CPEB3: variants seen among roughly 807,000 people sequenced by gnomAD.
CPEB3 encodes the protein cytoplasmic polyadenylation element binding protein 3.
Under a neutral mutation model 67.2 loss-of-function variants are expected in CPEB3, and 20 were observed. The ratio of observed to expected loss-of-function variants is 0.30; its 90% CI spans 0.21 to 0.43. CPEB3 has a LOEUF of 0.43. Among genes scored for constraint, CPEB3 ranks in the 20% least tolerant of loss-of-function variants. The probability of loss-of-function intolerance (pLI) is 1.00; values close to 1 mark genes in which losing one functional copy is unlikely to be tolerated. For synonymous variants in CPEB3, 376 were observed against 393.1 expected, an observed-to-expected ratio of 0.96 and a Z score of 0.51; for missense variants, 746 against 968.6, an observed-to-expected ratio of 0.77 and a Z score of 3.05.
intron 1 of CPEB3, among the ~76,000 whole-genome samples, chr10:92,273,698 T>C (rs886122105): frequency 3.9e-5 from 6 of 152,132 alleles, no homozygotes; most frequent in African/African-American, 1.4e-4. Flanking sequence ...TTGACAAAAA[T>C]TAATACCTAT....
At chr10:92,199,785 T>A (rs765097436) in intron 2 of CPEB3, among the ~76,000 whole-genome samples, 1 of 151,954 alleles carries the variant, frequency 6.6e-6, no homozygotes, top group Non-Finnish European at 1.5e-5. Flanking sequence ...TTGGGAAATA[T>A]GTCAGGTCCC....
intron 4 of CPEB3, among the ~76,000 whole-genome samples, chr10:92,152,670 A>G (rs187858691): frequency 4.6e-5 from 7 of 152,342 alleles, no homozygotes; most frequent in Admixed American, 2.0e-4. Flanking sequence ...CTACATTTGT[A>G]TATATTTAAA....
chr10:92,160,315 A>G (rs908903954), intron 4 of CPEB3, among the ~76,000 whole-genome samples: 1 of 152,184 alleles, frequency 6.6e-6, no homozygotes, highest in Non-Finnish European at 1.5e-5. Context: ...TGCATTCCAA[A>G]AACAATTTAA....
chr10:92,240,247 G>T lies in CPEB3; in HGVS notation c.104C>A (p.Ala35Asp). 6.6e-7 allele frequency: 1 copy of T among 1,512,822 alleles called. No homozygotes were observed. 93.7% of individuals were successfully genotyped at this position (1,512,822 alleles called of 1,614,324 possible). Residue 35 changes from alanine (A) to aspartate (D), a missense_variant, in exon 2 of 10, where the codon GCC becomes GAC. Physicochemically the swap from Ala to Asp is moderately radical, Grantham distance 126. Around this residue, in one of 2 missense-constraint regions of CPEB3, gnomAD observed 643 missense variants for 717.5 expected, o/e 0.90. Coordinates refer to ENST00000265997, the MANE Select transcript of CPEB3 (RefSeq NM_014912.5). Reference protein sequence around the residue: ...QPQPESSVSEAPSTPLSSETP... With the variant: ...QPQPESSVSEDPSTPLSSETP... The stretch of plus-strand genomic sequence containing the variant: ...CTCTGAGGAGAGGGGCGTGGACGGG[G>T]CTTCGGATACGCTGGACTCAGGTTG...
chr10:92,246,166 T>A (rs897895004), intron 1 of CPEB3, among the ~76,000 whole-genome samples: 13 of 151,368 alleles, frequency 8.6e-5, no homozygotes, highest in Non-Finnish European at 1.6e-4. Context: ...AAACCCCGTC[T>A]CTACTAAAAA....
intron 9 of CPEB3, among the ~76,000 whole-genome samples, chr10:92,054,654 C>G (rs1038385350): frequency 6.6e-6 from 1 of 152,130 alleles, no homozygotes; most frequent in Non-Finnish European, 1.5e-5. Flanking sequence ...GTTGGCCAGG[C>G]TGGTCTCAAA....
At chr10:92,123,119 T>C (rs1388336386) in intron 6 of CPEB3, among the ~76,000 whole-genome samples, 2 of 152,148 alleles carry the variant, frequency 1.3e-5, no homozygotes, top group Admixed American at 6.5e-5. Flanking sequence ...GAGTTCAAAA[T>C]TGGTAATCTA....
chr10:92,157,318 G>A (rs1048070793), intron 4 of CPEB3, among the ~76,000 whole-genome samples: 2 of 152,092 alleles, frequency 1.3e-5, no homozygotes, highest in Admixed American at 6.5e-5. Context: ...TACAACCTAC[G>A]TGTCTGACCC....
chr10:92,142,400 A>G lies in CPEB3; in HGVS notation c.1453+629T>C, dbSNP rs137938591. 5.9e-5 allele frequency among the ~76,000 whole-genome samples: 9 copies of G among 152,356 alleles called. 1 individual carries two copies. The highest frequency in any genetic ancestry group is 2.6e-4 in the Admixed American group (4 of 15,308). On this transcript the variant is annotated intron_variant, in intron 6 of 9. Coordinates refer to ENST00000265997, the MANE Select transcript of CPEB3 (RefSeq NM_014912.5). ...TAAATCTAGGAACACACCCAAATGA[A>G]TATCACCAGTAAAGTTCCCTAGATT... is the stretch of plus-strand genomic sequence containing the variant.
chr10:92,142,932 T>C lies in CPEB3; in HGVS notation c.1453+97A>G, dbSNP rs758212137. ...ATGTTTTCCTAATTGGGGGAAAAAA[T>C]TCAACAGCTATTTCAAGAGTTAAAA... On this transcript the variant is annotated intron_variant, in intron 6 of 9. Transcript: ENST00000265997. The C allele has an allele frequency of 6.5e-6, 5 of 773,150 alleles. 1 individual carries two copies. The South Asian group carries it at 8.9e-5, about 14-fold the overall frequency. The allele number at this position is 773,150 out of a possible 1,614,324, so 47.9% of individuals were successfully genotyped here. A position where few individuals can be genotyped will look rare whatever the true frequency, so the allele number is the denominator to read the frequency against.
intron 4 of CPEB3, among the ~76,000 whole-genome samples, chr10:92,166,764 C>T (rs1161996663): frequency 6.6e-6 from 1 of 152,150 alleles, no homozygotes; most frequent in African/African-American, 2.4e-5. Context: ...CTCAAAGTCA[C>T]CAGCTGTATT....
At chr10:92,284,797 G>A (rs1232357614) in intron 1 of CPEB3, among the ~76,000 whole-genome samples, 10 of 152,024 alleles carry the variant, frequency 6.6e-5, no homozygotes, top group African/African-American at 2.4e-4. Context: ...GCTTGTTTTT[G>A]CTCATCATTG....
intron 1 of CPEB3, among the ~76,000 whole-genome samples, chr10:92,264,940 C>T (rs895435538): frequency 5.9e-5 from 9 of 151,668 alleles, no homozygotes; most frequent in East Asian, 3.9e-4. Flanking sequence ...CCAAGGTGGG[C>T]GGATCACCTG....
chr10:92,193,303 T>C (rs1326427812), intron 2 of CPEB3, among the ~76,000 whole-genome samples: 1 of 152,204 alleles, frequency 6.6e-6, no homozygotes, highest in African/African-American at 2.4e-5. Context: ...TACTCTATAA[T>C]GCAATGTAAT....
intron 2 of CPEB3, among the ~76,000 whole-genome samples, chr10:92,209,601 A>G (rs1849969646): frequency 6.6e-6 from 1 of 152,202 alleles, no homozygotes; most frequent in Admixed American, 6.5e-5. Flanking sequence ...TAGTATGATT[A>G]TCTTCCTTCA....
intron 4 of CPEB3, among the ~76,000 whole-genome samples, chr10:92,179,151 T>G (rs1478786655): frequency 6.6e-6 from 1 of 152,120 alleles, no homozygotes; most frequent in Non-Finnish European, 1.5e-5. Context: ...AAACAATCAT[T>G]AAGATTACCT....
At chr10:92,284,581 T>C (rs1842447429) in intron 1 of CPEB3, among the ~76,000 whole-genome samples, 1 of 152,122 alleles carries the variant, frequency 6.6e-6, no homozygotes, top group East Asian at 1.9e-4. Context: ...CCCTCTTCCC[T>C]TTATCTAGTT....
intron 1 of CPEB3, among the ~76,000 whole-genome samples, chr10:92,289,174 G>A (rs1842676931): frequency 6.6e-6 from 1 of 152,142 alleles, no homozygotes; most frequent in Admixed American, 6.6e-5. Flanking sequence ...ACCCGGAGGA[G>A]GAGACTGCAG....
intron 9 of CPEB3, among the ~76,000 whole-genome samples, chr10:92,061,530 A>G (rs1369349573): frequency 6.6e-6 from 1 of 152,192 alleles, no homozygotes; most frequent in Non-Finnish European, 1.5e-5. Flanking sequence ...GCCATTTGCA[A>G]CAACATGGAT....
Sources: gnomAD v4.1 joint callset for allele counts (sites outside exome capture counted in the v4.1 genomes callset) on GRCh38, gnomAD v4.1.1 for gene constraint, gnomAD v4.1.1 regional missense constraint, MANE v1.5 for transcripts, NCBI Gene and HGNC (gene_info 2026-07-23, HGNC 2026-07-21) for gene names.